The following CPSF3 variants were observed in gnomAD, a reference collection of about 807,000 sequenced individuals.
The protein encoded by CPSF3 is cleavage and polyadenylation specific factor 3, also known as cleavage and polyadenylation specificity factor subunit 3.
A neutral mutation model predicts 84.1 loss-of-function variants in CPSF3; 57 were observed. The observed-to-expected ratio is 0.68, with a 90% CI of 0.55 to 0.85. CPSF3 has a LOEUF of 0.85. Among genes scored for constraint, CPSF3 ranks in the 40% least tolerant of loss-of-function variants. The pLI is 0.00. For synonymous variants in CPSF3, 275 were observed against 278.1 expected (o/e 0.99, Z 0.11); for missense variants, 522 against 838.8 (o/e 0.62, Z 4.66).
chr2:9,430,225 T>A, intron 3 of CPSF3, among the ~76,000 whole-genome samples: 1 of 152,222 alleles, frequency 6.6e-6, no homozygotes, highest in East Asian at 1.9e-4. Context: ...CCTCTATGTA[T>A]AAGTTCAGTG....
intron 16 of CPSF3, among the ~76,000 whole-genome samples, chr2:9,468,752 G>A (rs1417769768): frequency 2.0e-5 from 3 of 148,258 alleles, no homozygotes; most frequent in Non-Finnish European, 4.4e-5. Flanking sequence ...TCAACCTCCC[G>A]AGCAAGTGGG....
At chr2:9,472,495 A>G (rs1682205782) in intron 17 of CPSF3, among the ~76,000 whole-genome samples, 1 of 151,992 alleles carries the variant, frequency 6.6e-6, no homozygotes, top group African/African-American at 2.4e-5. Context: ...ATGTAAATGT[A>G]GTTTACTAGA....
Position 9,467,790 on chromosome 2 carries a change from C to T in CPSF3, c.1856+14C>T. ...GATCATGCTCCAGTAAGTTTTTCAC[C>T]CATTATTTCTCAACAAGACAGTGAC... On this transcript the variant is annotated intron_variant, in intron 16 of 17. Coordinates refer to ENST00000238112, the MANE Select transcript of CPSF3 (RefSeq NM_016207.4). 6.2e-7 allele frequency: 1 copy of T among 1,604,722 alleles called. No individual in the cohort carries two copies. The highest frequency in any genetic ancestry group is 8.5e-7 in the Non-Finnish European group (1 of 1,172,392).
At chr2:9,426,761 G>A (rs1227741023) in intron 1 of CPSF3, among the ~76,000 whole-genome samples, 1 of 151,656 alleles carries the variant, frequency 6.6e-6, no homozygotes, top group Non-Finnish European at 1.5e-5. Flanking sequence ...GCTGCCAAGA[G>A]AACAAGATAG....
chr2:9,455,738 C>T lies in CPSF3; in HGVS notation c.1584C>T (p.Tyr528=). ...PYTGPFNLLC[Y]QLQKLTGDVE... ...CTGGTCCCTTTAATTTGCTCTGTTA[C>T]CAGCTGCAGAAATTGACAGGTGTGT... Residue 528 remains tyrosine, a synonymous_variant, in exon 13 of 18, where the codon TAC becomes TAT. Transcript: ENST00000238112. 1 of 1,613,394 alleles carries T rather than the reference C, an allele frequency of 6.2e-7. No homozygotes were observed. The highest frequency in any genetic ancestry group is 8.5e-7 in the Non-Finnish European group (1 of 1,179,484).
At chr2:9,434,326 G>A (rs1198096775) in intron 6 of CPSF3, among the ~76,000 whole-genome samples, 1 of 151,692 alleles carries the variant, frequency 6.6e-6, no homozygotes, top group African/African-American at 2.4e-5. Flanking sequence ...CCAAGATCAC[G>A]CTGCTGCACT....
At position 9,436,340 on chromosome 2, in the gene CPSF3, C is replaced by G; in HGVS notation, c.739C>G (p.Gln247Glu). The G allele has an allele frequency of 6.2e-7, 1 of 1,612,040 alleles. No individual in the cohort carries two copies. Residue 247 changes from glutamine to glutamate, a missense_variant, in exon 7 of 18, where the codon CAG (glutamine) becomes GAG (glutamate). Gln to Glu is a conservative substitution (Grantham distance 29). Around this residue, in one of 2 missense-constraint regions of CPSF3, gnomAD observed 329 missense variants for 607.2 expected, o/e 0.54. Transcript: ENST00000238112. Reference protein sequence around the residue: ...LIPVFALGRAQELLLILDEYW... With the variant: ...LIPVFALGRAEELLLILDEYW... ...TCCTGTCTTTGCTCTTGGAAGGGCT[C>G]AGGAGCTGCTCTTGATTCTAGGTAT...
Position 9,457,001 on chromosome 2 carries a change from C to A in CPSF3, c.1672C>A (p.Gln558Lys). The A allele has an allele frequency of 3.1e-6, 5 of 1,593,520 alleles. No homozygotes were observed. Among genetic ancestry groups the A allele is most frequent in the East Asian group, 2.3e-5 (1 of 44,016 alleles). Residue 558 changes from glutamine to lysine, a missense_variant, in exon 14 of 18, where the codon CAA becomes AAA. By Grantham distance (53) the Gln-to-Lys change is moderately conservative. Coordinates refer to ENST00000238112, the MANE Select transcript of CPSF3 (RefSeq NM_016207.4). Reference sequence around the variant, plus strand: ...AGTGTTCAAAAATATTACTGTAATACAAGAACCAGGCATGGTGGTATTAGA... The same window carrying A: ...AGTGTTCAAAAATATTACTGTAATAAAAGAACCAGGCATGGTGGTATTAGA... ...LKVFKNITVI[Q>K]EPGMVVLEWL...
chr2:9,452,572 G>A (rs1681371340), intron 11 of CPSF3, among the ~76,000 whole-genome samples: 1 of 152,138 alleles, frequency 6.6e-6, no homozygotes, highest in South Asian at 2.1e-4. Flanking sequence ...CTGAGGGAGT[G>A]CATGTGTGCG....
At position 9,440,433 on chromosome 2, in the gene CPSF3, T is replaced by G. The variant is rs1481628117; in HGVS notation, c.761-58T>G. On this transcript the variant is annotated intron_variant, in intron 7 of 17. Coordinates refer to ENST00000238112, the MANE Select transcript of CPSF3 (RefSeq NM_016207.4). ...CTTGTTCTGTGTGTATCATTTGTTATTTGAACTGTTTACCCCATCTAACAA... is the reference window on the plus strand; with the variant it reads ...CTTGTTCTGTGTGTATCATTTGTTAGTTGAACTGTTTACCCCATCTAACAA... The G allele has an allele frequency of 6.5e-6, 9 of 1,379,578 alleles. No homozygotes were observed. The African/African-American group carries it at 1.3e-4, about 20-fold the overall frequency. The allele number at this position is 1,379,578 out of a possible 1,614,324, so 85.5% of individuals were successfully genotyped here.
Position 9,459,672 on chromosome 2 carries a change from C to T in CPSF3, c.1786+54C>T, listed in dbSNP as rs181936291. On this transcript the variant is annotated intron_variant, in intron 15 of 17. Transcript: ENST00000238112. ...TTTTTTTTTTTTTTTTTTTTGGAGA[C>T]GGATACTAGCTCTGTCATCCAGGCT... is the stretch of plus-strand genomic sequence containing the variant. 6.7e-5 allele frequency: 41 copies of T among 612,148 alleles called. 1 individual carries two copies. In the African/African-American group the frequency reaches 7.5e-4, roughly 11 times the overall value. 37.9% of individuals were successfully genotyped at this position (612,148 alleles called of 1,614,324 possible). A position where few individuals can be genotyped will look rare whatever the true frequency, so the allele number is the denominator to read the frequency against.
At chr2:9,434,260 C>T (rs867776790) in intron 6 of CPSF3, among the ~76,000 whole-genome samples, 11 of 151,448 alleles carry the variant, frequency 7.3e-5, no homozygotes, top group Non-Finnish European at 1.0e-4. Flanking sequence ...GTGCAGTTAC[C>T]TGGGAGGCTG....
At chr2:9,427,251 GA>G (rs1340621439) in intron 1 of CPSF3, among the ~76,000 whole-genome samples, 3 of 152,208 alleles carry the variant, frequency 2.0e-5, no homozygotes, top group Non-Finnish European at 4.4e-5. Flanking sequence ...CTATAGAGGA[GA>G]AATAGAAGGA....
At chr2:9,427,315 T>C (rs72775266) in intron 1 of CPSF3, among the ~76,000 whole-genome samples, 24,522 of 152,228 alleles carry the variant, frequency 0.16, 2,186 homozygotes, top group Middle Eastern at 0.28. Flanking sequence ...TTAATTATTG[T>C]ACCAACATGA....
At chr2:9,445,219 T>C (rs1007219504) in intron 10 of CPSF3, among the ~76,000 whole-genome samples, 6 of 152,188 alleles carry the variant, frequency 3.9e-5, no homozygotes, top group African/African-American at 1.2e-4. Flanking sequence ...TGAATTTGAC[T>C]ATTCTAGGTA....
Position 9,465,655 on chromosome 2 carries a change from T to A in CPSF3, c.1787-2052T>A, listed in dbSNP as rs376662265. 6.3e-4 allele frequency among the ~76,000 whole-genome samples: 96 copies of A among 152,282 alleles called. 1 individual carries two copies. The highest frequency in any genetic ancestry group is 2.3e-3 in the African/African-American group (94 of 41,550). The stretch of plus-strand genomic sequence containing the variant: ...CAAACTGACTTCTTCCCATCCAAAC[T>A]TGAGATTTTCACATTTGGGCCAGCC... On this transcript the variant is annotated intron_variant, in intron 15 of 17. Transcript: ENST00000238112.
intron 14 of CPSF3, among the ~76,000 whole-genome samples, 175 bp downstream of exon 14, chr2:9,457,202 T>A (rs1681565165): frequency 6.7e-6 from 1 of 148,924 alleles, no homozygotes; most frequent in South Asian, 2.1e-4. Flanking sequence ...GTTTTAAGGA[T>A]CAGCATTAAG....
chr2:9,447,683 G>A (rs1185379000), intron 10 of CPSF3, among the ~76,000 whole-genome samples: 1 of 152,176 alleles, frequency 6.6e-6, no homozygotes, highest in Non-Finnish European at 1.5e-5. Context: ...GCTCAGGCAG[G>A]AGAATCGCTT....
In CPSF3 at chr2:9,465,406, C is replaced by T. The variant is rs560878841; in HGVS notation, c.1787-2301C>T. Among the ~76,000 whole-genome samples the T allele has an allele frequency of 5.3e-5, 8 of 151,914 alleles. No homozygotes were observed. In the East Asian group the frequency reaches 7.8e-4, roughly 15 times the overall value. ...TTACAGTGAGCTATGATTGCACCAC[C>T]GCACTCCAGCCTGGGCAACAGAGCG... is the stretch of plus-strand genomic sequence containing the variant. On this transcript the variant is annotated intron_variant, in intron 15 of 17. Coordinates refer to ENST00000238112, the MANE Select transcript of CPSF3 (RefSeq NM_016207.4).
Sources: allele counts gnomAD v4.1 joint callset (sites outside exome capture counted in the v4.1 genomes callset), GRCh38; gene constraint gnomAD v4.1.1; regional missense constraint gnomAD v4.1.1; transcripts MANE v1.5; gene names NCBI Gene and HGNC (gene_info 2026-07-23, HGNC 2026-07-21).